Variants in PTPN13 observed in about 807,000 individuals in gnomAD.
PTPN13 encodes the protein tyrosine-protein phosphatase non-receptor type 13.
A neutral mutation model predicts 284.0 loss-of-function variants in PTPN13; 191 were observed. The ratio of observed to expected loss-of-function variants is 0.67; its 90% CI spans 0.60 to 0.76. The LOEUF is 0.76. Ranked by LOEUF, PTPN13 falls within the 30% of genes least tolerant of loss-of-function variation. PTPN13 has a pLI of 0.00. For synonymous variants in PTPN13, 986 were observed against 1,022.3 expected (o/e 0.96, Z 0.68); for missense variants, 2,797 against 2,939.9 (o/e 0.95, Z 1.12).
intron 3 of PTPN13, among the ~76,000 whole-genome samples, chr4:86,678,268 G>A (rs551808166): frequency 5.9e-5 from 9 of 152,226 alleles, no homozygotes; most frequent in African/African-American, 2.2e-4. Flanking sequence ...AAAGAAAAGA[G>A]TTATGGCTAA....
chr4:86,794,868 C>T (rs1403620930), intron 40 of PTPN13, among the ~76,000 whole-genome samples: 2 of 152,132 alleles, frequency 1.3e-5, no homozygotes, highest in Non-Finnish European at 2.9e-5. Flanking sequence ...AAACTGGATC[C>T]CTTGCTTATG....
intron 6 of PTPN13, among the ~76,000 whole-genome samples, chr4:86,696,772 G>A (rs1277153982): frequency 6.6e-6 from 1 of 151,926 alleles, no homozygotes; most frequent in Non-Finnish European, 1.5e-5. Context: ...GAGAATTTGT[G>A]AGTAATTACA....
intron 2 of PTPN13, among the ~76,000 whole-genome samples, chr4:86,654,069 G>A (rs955960237): frequency 6.6e-6 from 1 of 152,064 alleles, no homozygotes; most frequent in East Asian, 1.9e-4. Flanking sequence ...AGAGAAAGCA[G>A]GAAAGATCTA....
At chr4:86,605,014 A>G (rs1425227124) in intron 1 of PTPN13, among the ~76,000 whole-genome samples, 1 of 152,012 alleles carries the variant, frequency 6.6e-6, no homozygotes, top group African/African-American at 2.4e-5. Flanking sequence ...TCTTGAAGAC[A>G]TTAAATGTCT....
chr4:86,736,174 C>A (rs918354798), intron 15 of PTPN13, among the ~76,000 whole-genome samples: 1 of 152,012 alleles, frequency 6.6e-6, no homozygotes, highest in Non-Finnish European at 1.5e-5. Context: ...AATGGTCTTC[C>A]CACTAAATGC....
intron 1 of PTPN13, among the ~76,000 whole-genome samples, chr4:86,596,464 G>A (rs780807355): frequency 4.6e-5 from 7 of 152,160 alleles, no homozygotes; most frequent in Non-Finnish European, 8.8e-5. Context: ...ATTCTATGAT[G>A]GGGTCACGTT....
chr4:86,752,886 G>A, intron 19 of PTPN13, 123 bp from the exon 20 acceptor site: 1 of 563,512 alleles, frequency 1.8e-6, no homozygotes, highest in South Asian at 3.8e-5. Flanking sequence ...TTTTCTCAGT[G>A]TAAATACAAA....
intron 10 of PTPN13, among the ~76,000 whole-genome samples, chr4:86,724,970 C>A (rs1734080518): frequency 6.7e-6 from 1 of 150,162 alleles, no homozygotes; most frequent in South Asian, 2.1e-4. Flanking sequence ...CTCCCCCAGC[C>A]CCCCACCCCC....
At chr4:86,598,205 C>T (rs1763994090) in intron 1 of PTPN13, among the ~76,000 whole-genome samples, 1 of 151,210 alleles carries the variant, frequency 6.6e-6, no homozygotes, top group South Asian at 2.1e-4. Context: ...GTGGCACAAT[C>T]TTGTCTCACT....
chr4:86,784,207 C>G (rs1741649921), intron 37 of PTPN13, among the ~76,000 whole-genome samples: 1 of 152,094 alleles, frequency 6.6e-6, no homozygotes, highest in South Asian at 2.1e-4. Context: ...TTAGCAAGGA[C>G]TGTGAAAATT....
intron 2 of PTPN13, chr4:86,661,141 C>T (rs780464082): frequency 1.1e-5 from 5 of 449,984 alleles, no homozygotes; most frequent in Middle Eastern, 3.3e-4. Flanking sequence ...CATGTTCCCT[C>T]CTAGTCAATT....
intron 7 of PTPN13, among the ~76,000 whole-genome samples, chr4:86,714,173 C>T (rs572791535): frequency 6.6e-6 from 1 of 151,894 alleles, no homozygotes; most frequent in East Asian, 1.9e-4. Context: ...CTTTCATGTA[C>T]TTTTTGCTGA....
At chr4:86,693,696 A>G in intron 6 of PTPN13, 22 bp downstream of exon 6, 2 of 1,490,420 alleles carry the variant, frequency 1.3e-6, no homozygotes, top group Non-Finnish European at 1.8e-6. Flanking sequence ...TTAATAGGAA[A>G]TGTCTAGGCT....
chr4:86,791,549 C>G (rs1419925273), intron 40 of PTPN13, among the ~76,000 whole-genome samples: 1 of 152,252 alleles, frequency 6.6e-6, no homozygotes. Flanking sequence ...ACTGCCTCCT[C>G]AAGTGGGTCC....
At position 86,730,443 on chromosome 4, in the gene PTPN13, G is replaced by T. The variant is rs1436112703; in HGVS notation, c.1609-1957G>T. 2.0e-5 allele frequency among the ~76,000 whole-genome samples: 3 copies of T among 149,892 alleles called. 1 individual carries two copies. Among genetic ancestry groups the T allele is most frequent in the Non-Finnish European group, 4.5e-5 (3 of 66,748 alleles). The stretch of plus-strand genomic sequence containing the variant: ...GTCTGTAGAGGAAGCAGGCCTTGCT[G>T]AGCTGCGGTGGGCTCCACCCACTTC... On this transcript the variant is annotated intron_variant, in intron 10 of 47. Coordinates refer to ENST00000411767, the MANE Select transcript of PTPN13 (RefSeq NM_080683.3).
At chr4:86,757,985 C>G (rs954408003) in intron 20 of PTPN13, among the ~76,000 whole-genome samples, 4 of 152,216 alleles carry the variant, frequency 2.6e-5, no homozygotes, top group African/African-American at 9.6e-5. Context: ...TTGTGCAAAT[C>G]ATTTAACCTA....
intron 2 of PTPN13, among the ~76,000 whole-genome samples, chr4:86,647,644 C>G (rs1469320657): frequency 1.3e-5 from 2 of 151,970 alleles, no homozygotes; most frequent in Non-Finnish European, 2.9e-5. Flanking sequence ...AGTCCTAACC[C>G]CTAATAACCT....
chr4:86,661,983 C>A (rs1223732120), intron 2 of PTPN13, among the ~76,000 whole-genome samples: 1 of 152,126 alleles, frequency 6.6e-6, no homozygotes, highest in Non-Finnish European at 1.5e-5. Flanking sequence ...ACTTTGTCTG[C>A]ACTTGCAAAA....
At chr4:86,744,684 G>C (rs1195170780) in intron 16 of PTPN13, among the ~76,000 whole-genome samples, 1 of 152,158 alleles carries the variant, frequency 6.6e-6, no homozygotes, top group Non-Finnish European at 1.5e-5. Context: ...GTAGTATGCT[G>C]TACAGGTTTG....
Sources: allele counts gnomAD v4.1 joint callset (sites outside exome capture counted in the v4.1 genomes callset), GRCh38; gene constraint gnomAD v4.1.1; transcripts MANE v1.5; gene names NCBI Gene and HGNC (gene_info 2026-07-23, HGNC 2026-07-21).